LRRC28: variants seen among roughly 807,000 people sequenced by gnomAD.
LRRC28 encodes the protein leucine rich repeat containing 28, also known as leucine-rich repeat-containing protein 28.
A neutral mutation model predicts 45.7 loss-of-function variants in LRRC28; 39 were observed. That is an observed-to-expected ratio of 0.85 (90% confidence interval 0.66 to 1.12). LRRC28 has a LOEUF of 1.12. Among genes scored for constraint, LRRC28 ranks in the 50% most tolerant of loss-of-function variants. The pLI, the probability that LRRC28 is intolerant of heterozygous loss-of-function variation, is 0.00. For missense variants in LRRC28, 435 were observed against 438.5 expected (o/e 0.99, Z 0.07); for synonymous variants, 206 against 178.8 (o/e 1.15, Z -1.22).
chr15:99,292,691 C>T (rs2082156885), intron 5 of LRRC28, among the ~76,000 whole-genome samples: 1 of 152,196 alleles, frequency 6.6e-6, no homozygotes, highest in African/African-American at 2.4e-5. Context: ...ACCTACGAAT[C>T]CTCTGGGTTC....
intron 3 of LRRC28, among the ~76,000 whole-genome samples, chr15:99,277,933 A>C (rs1185998832): frequency 6.6e-6 from 1 of 152,096 alleles, no homozygotes; most frequent in Non-Finnish European, 1.5e-5. Flanking sequence ...TTTTTTTACT[A>C]TCGTAAATGA....
intron 9 of LRRC28, among the ~76,000 whole-genome samples, chr15:99,374,986 A>G (rs984372323): frequency 3.2e-4 from 48 of 152,162 alleles, no homozygotes; most frequent in African/African-American, 1.1e-3. Context: ...CCAGTCTTAA[A>G]GGGAAAACAC....
At chr15:99,275,590 A>G (rs2081596149) in intron 2 of LRRC28, among the ~76,000 whole-genome samples, 1 of 152,246 alleles carries the variant, frequency 6.6e-6, no homozygotes, top group Non-Finnish European at 1.5e-5. Context: ...ACTTAAAACA[A>G]CAAAAATGTA....
chr15:99,266,886 A>G (rs8031904), intron 2 of LRRC28, among the ~76,000 whole-genome samples: 14,462 of 152,244 alleles, frequency 0.095, 961 homozygotes, highest in East Asian at 0.31. Context: ...TTATAGACAA[A>G]TAAACTAAGT....
chr15:99,291,502 A>G (rs1306806324), intron 5 of LRRC28, among the ~76,000 whole-genome samples: 1 of 152,164 alleles, frequency 6.6e-6, no homozygotes, highest in Non-Finnish European at 1.5e-5. Context: ...ATGTTTGGAG[A>G]CATACTATGG....
intron 3 of LRRC28, among the ~76,000 whole-genome samples, chr15:99,283,436 A>G (rs1417395830): frequency 2.0e-5 from 3 of 149,288 alleles, no homozygotes; most frequent in African/African-American, 7.4e-5. Flanking sequence ...ACATGCTGAA[A>G]CCCCATCTCT....
chr15:99,282,625 G>C (rs977965543), intron 3 of LRRC28, among the ~76,000 whole-genome samples: 1 of 152,156 alleles, frequency 6.6e-6, no homozygotes, highest in Non-Finnish European at 1.5e-5. Flanking sequence ...ATAACATACT[G>C]TCCAGATTTG....
intron 2 of LRRC28, chr15:99,258,798 G>T: frequency 2.9e-6 from 2 of 696,086 alleles, no homozygotes; most frequent in Non-Finnish European, 5.5e-6. Flanking sequence ...TTTGTTCCAC[G>T]TGGCCTATTT....
chr15:99,357,021 CAT>C (rs1299503079), intron 7 of LRRC28, among the ~76,000 whole-genome samples: 3 of 152,184 alleles, frequency 2.0e-5, no homozygotes, highest in African/African-American at 7.2e-5. Flanking sequence ...TTCTAGGTGA[CAT>C]AGTTTCTTTC....
At chr15:99,342,010 C>A (rs1256165048) in intron 6 of LRRC28, among the ~76,000 whole-genome samples, 2 of 152,200 alleles carry the variant, frequency 1.3e-5, no homozygotes, top group African/African-American at 4.8e-5. Context: ...GCTCTTCATA[C>A]AAGCAGCCAT....
intron 5 of LRRC28, among the ~76,000 whole-genome samples, chr15:99,332,714 C>T (rs1807942474): frequency 6.6e-6 from 1 of 152,136 alleles, no homozygotes; most frequent in South Asian, 2.1e-4. Context: ...CATAGTTTAC[C>T]ACCAGCTGGT....
chr15:99,289,425 T>C (rs1228282878), intron 5 of LRRC28, among the ~76,000 whole-genome samples: 1 of 152,178 alleles, frequency 6.6e-6, no homozygotes, highest in East Asian at 1.9e-4. Flanking sequence ...AAGTGAAATA[T>C]GTGACTCAAA....
rs951871031 is a variant in LRRC28, at chr15:99,389,229, A to G, written c.*3127A>G. The G allele has an allele frequency of 6.6e-6, 1 of 152,176 alleles. No individual in the cohort carries two copies. The highest frequency in any genetic ancestry group is 1.9e-4 in the East Asian group (1 of 5,196). 9.4% of individuals were successfully genotyped at this position (152,176 alleles called of 1,614,324 possible). ...CTTTCACATTCCAGCTTGTCCGACT[A>G]GTGTAATGTACCTCTCACTTCTGTT... On this transcript the variant is annotated 3_prime_UTR_variant, in exon 10 of 10. Transcript: ENST00000301981.
chr15:99,332,611 ATTG>A (rs1464645288), intron 5 of LRRC28, among the ~76,000 whole-genome samples: 2 of 152,102 alleles, frequency 1.3e-5, no homozygotes, highest in Non-Finnish European at 2.9e-5. Flanking sequence ...CTTTGTCTTT[ATTG>A]TTGTTTACCA....
intron 5 of LRRC28, among the ~76,000 whole-genome samples, chr15:99,295,257 C>A (rs2082233300): frequency 6.6e-6 from 1 of 151,960 alleles, no homozygotes; most frequent in Non-Finnish European, 1.5e-5. Context: ...AAGCATGTAC[C>A]ACTTAAACAT....
At chr15:99,359,579 C>G (rs996984611) in intron 7 of LRRC28, among the ~76,000 whole-genome samples, 1 of 152,146 alleles carries the variant, frequency 6.6e-6, no homozygotes, top group Non-Finnish European at 1.5e-5. Flanking sequence ...GGAAAGATCT[C>G]AGGCATTTAA....
At chr15:99,323,578 C>G (rs1054821078) in intron 5 of LRRC28, among the ~76,000 whole-genome samples, 12 of 152,120 alleles carry the variant, frequency 7.9e-5, no homozygotes, top group Non-Finnish European at 1.8e-4. Context: ...TAGTGCTTCA[C>G]AGTTTCTGAA....
intron 9 of LRRC28, among the ~76,000 whole-genome samples, chr15:99,369,068 A>G (rs1957413405): frequency 6.6e-6 from 1 of 152,194 alleles, no homozygotes; most frequent in Non-Finnish European, 1.5e-5. Context: ...CCTTTCTTCC[A>G]GTTTCCAATA....
chr15:99,349,859 G>T (rs960533465), intron 6 of LRRC28, among the ~76,000 whole-genome samples: 3 of 152,170 alleles, frequency 2.0e-5, no homozygotes, highest in African/African-American at 7.2e-5. Context: ...AAATGCGGCC[G>T]GGCGCGGTGG....
Sources: gnomAD v4.1 joint callset for allele counts (sites outside exome capture counted in the v4.1 genomes callset) on GRCh38, gnomAD v4.1.1 for gene constraint, MANE v1.5 for transcripts, NCBI Gene and HGNC (gene_info 2026-07-23, HGNC 2026-07-21) for gene names.